The following SLC6A5 variants were observed in gnomAD, a reference collection of about 807,000 sequenced individuals.
SLC6A5 encodes the protein sodium- and chloride-dependent glycine transporter 2.
Under a neutral mutation model 90.5 loss-of-function variants are expected in SLC6A5, and 58 were observed. That is an observed-to-expected ratio of 0.64 (90% CI 0.52 to 0.80). The LOEUF (loss-of-function observed/expected upper bound fraction) is 0.80. SLC6A5 is among the 30% of genes least tolerant of loss of function. The pLI is 0.00. For missense variants in SLC6A5, 1,015 were observed against 1,017.6 expected, an observed-to-expected ratio of 1.00 and a Z score of 0.03; for synonymous variants, 427 against 401.4, an observed-to-expected ratio of 1.06 and a Z score of -0.76.
chr11:20,605,507 C>G (rs1852562002), intron 3 of SLC6A5, among the ~76,000 whole-genome samples: 1 of 152,194 alleles, frequency 6.6e-6, no homozygotes, highest in Admixed American at 6.5e-5. Flanking sequence ...AGACCAGGTA[C>G]CGGCCACACG....
At chr11:20,626,592 AC>A (rs962089747) in intron 7 of SLC6A5, 115 bp from the exon 8 acceptor site, 2 of 1,158,900 alleles carry the variant, frequency 1.7e-6, no homozygotes, top group African/African-American at 1.5e-5. Context: ...GGGGACAACT[AC>A]CCTGATGTGC....
At chr11:20,601,888 C>T (rs983488284) in intron 2 of SLC6A5, among the ~76,000 whole-genome samples, 2 of 152,240 alleles carry the variant, frequency 1.3e-5, no homozygotes, top group Admixed American at 1.3e-4. Context: ...GGGCCACGAC[C>T]TGCCCCTTCC....
At chr11:20,618,683 TC>T (rs1191281688) in intron 7 of SLC6A5, among the ~76,000 whole-genome samples, 1 of 152,094 alleles carries the variant, frequency 6.6e-6, no homozygotes, top group African/African-American at 2.4e-5. Context: ...AGGCCTGTAA[TC>T]CCAGCACTTT....
chr11:20,647,196 C>T (rs116362945), intron 14 of SLC6A5, among the ~76,000 whole-genome samples: 6,563 of 127,038 alleles, frequency 0.052, 476 homozygotes, highest in African/African-American at 0.17. Flanking sequence ...GGCACATTTC[C>T]CATTATATCA....
rs373223627 is a variant in SLC6A5 at position 20,638,559 on chromosome 11, G to A, written c.1969+1G>A. 2 of 1,574,576 alleles carry A rather than the reference G, an allele frequency of 1.3e-6. No homozygotes were observed. The highest frequency in any genetic ancestry group is 1.3e-5 in the African/African-American group (1 of 74,102). On this transcript the variant is annotated splice_donor_variant, in intron 13 of 15. Transcript: ENST00000525748. LOFTEE classifies it high-confidence loss of function. ...CTCGTGGGGATCTCTTATGTGTATG[G>A]TAAGGAAATCACTGTGCCTGTTGCT...
chr11:20,623,156 G>C lies in SLC6A5; in HGVS notation c.1261-3552G>C, dbSNP rs190364367. Among the ~76,000 whole-genome samples the C allele has an allele frequency of 5.5e-3, 831 of 152,268 alleles. 6 individuals carry two copies. Among genetic ancestry groups the C allele is most frequent in the Non-Finnish European group, 9.1e-3 (622 of 68,024 alleles). ...GAGGGAGGAGAGACTGCTGTTCTGTGGTGCAGGAAAAATGTGTCCTGGTCA... is the reference window on the plus strand; with the variant it reads ...GAGGGAGGAGAGACTGCTGTTCTGTCGTGCAGGAAAAATGTGTCCTGGTCA... On this transcript the variant is annotated intron_variant, in intron 7 of 15. Coordinates refer to ENST00000525748, the MANE Select transcript of SLC6A5 (RefSeq NM_004211.5).
chr11:20,626,267 C>G (rs1852991759), intron 7 of SLC6A5, among the ~76,000 whole-genome samples: 1 of 152,166 alleles, frequency 6.6e-6, no homozygotes, highest in African/African-American at 2.4e-5. Context: ...TTCTTCTGAC[C>G]TTATGGGACT....
At chr11:20,627,138 T>C (rs536013766) in intron 8 of SLC6A5, among the ~76,000 whole-genome samples, 3 of 152,202 alleles carry the variant, frequency 2.0e-5, no homozygotes, top group Non-Finnish European at 4.4e-5. Flanking sequence ...TTGCTAATTA[T>C]AGAGTGTCGG....
intron 13 of SLC6A5, among the ~76,000 whole-genome samples, chr11:20,642,615 C>A (rs1273620650): frequency 2.0e-5 from 3 of 152,184 alleles, no homozygotes. Flanking sequence ...CTCAAGGCTC[C>A]AAGAACAGTT....
chr11:20,629,594 G>T (rs1853068804), intron 9 of SLC6A5, among the ~76,000 whole-genome samples: 1 of 152,076 alleles, frequency 6.6e-6, no homozygotes, highest in African/African-American at 2.4e-5. Flanking sequence ...GATCAAATCA[G>T]GGTAATTAGC....
intron 13 of SLC6A5, 134 bp downstream of exon 13, chr11:20,638,692 T>A (rs1023966398): frequency 1.4e-6 from 1 of 709,084 alleles, no homozygotes; most frequent in Non-Finnish European, 2.6e-6. Context: ...CTAAGAGAGC[T>A]GCACTTTTGT....
intron 13 of SLC6A5, among the ~76,000 whole-genome samples, chr11:20,641,429 ACTAT>A (rs1460224805): frequency 6.6e-6 from 1 of 152,094 alleles, no homozygotes; most frequent in Non-Finnish European, 1.5e-5. Flanking sequence ...TGCTTGATGG[ACTAT>A]CTGTTTTCAG....
chr11:20,648,352 C>G (rs1853462736), intron 14 of SLC6A5, among the ~76,000 whole-genome samples: 1 of 152,142 alleles, frequency 6.6e-6, no homozygotes, highest in Admixed American at 6.5e-5. Flanking sequence ...ATCAAAACAT[C>G]TCAATTTCTT....
Position 20,607,506 on chromosome 11 carries a change from C to T in SLC6A5, c.839C>T (p.Ser280Phe), listed in dbSNP as rs774510262. The T allele has an allele frequency of 6.2e-7, 1 of 1,614,086 alleles. No homozygotes were observed. ...QGCGIAMLII[S>F]VLIAIYYNVI... ...TGTGGCATCGCGATGCTGATCATCTCTGTCCTAATAGCCATATACTACAAT... is the reference window on the plus strand; with the variant it reads ...TGTGGCATCGCGATGCTGATCATCTTTGTCCTAATAGCCATATACTACAAT... Residue 280 changes from serine to phenylalanine, a missense_variant, in exon 5 of 16, where the codon TCT becomes TTT. By Grantham distance (155) the Ser-to-Phe change is radical (BLOSUM62 -2). Around this residue, in one of 3 missense-constraint regions of SLC6A5, gnomAD observed 567 missense variants for 507.3 expected, o/e 1.12. Coordinates refer to ENST00000525748, the MANE Select transcript of SLC6A5 (RefSeq NM_004211.5).
rs1489671252 is a variant in SLC6A5 at position 20,636,422 on chromosome 11, G to A, written c.1737+3G>A. The A allele has an allele frequency of 1.9e-6, 3 of 1,566,742 alleles. No individual in the cohort carries two copies. The highest frequency in any genetic ancestry group is 2.6e-6 in the Non-Finnish European group (3 of 1,136,942). The stretch of plus-strand genomic sequence containing the variant: ...TCACTCTTGGACTTGACACTATGGT[G>A]AGCCCCTTTTCCATCAGTCTCTATC... On this transcript the variant is annotated splice_donor_region_variant and intron_variant, in intron 11 of 15. Transcript: ENST00000525748.
At chr11:20,607,403 C>T (rs878988116) in intron 4 of SLC6A5, 76 bp from the exon 5 acceptor site, 9 of 1,540,032 alleles carry the variant, frequency 5.8e-6, no homozygotes, top group South Asian at 1.1e-5. Flanking sequence ...AGACCTAGGT[C>T]CCCACCCTAT....
At chr11:20,634,652 A>T (rs888220986) in intron 10 of SLC6A5, among the ~76,000 whole-genome samples, 1 of 152,182 alleles carries the variant, frequency 6.6e-6, no homozygotes, top group African/African-American at 2.4e-5. Context: ...TACGGTTCAC[A>T]TAGGGAGCCT....
At chr11:20,640,557 C>G (rs968999926) in intron 13 of SLC6A5, among the ~76,000 whole-genome samples, 2 of 152,110 alleles carry the variant, frequency 1.3e-5, no homozygotes, top group African/African-American at 4.8e-5. Flanking sequence ...CCTCCAGAAT[C>G]AGGTTGACTC....
rs963260759 is a variant in SLC6A5 at position 20,599,778 on chromosome 11, G to T, written c.3+103G>T. On this transcript the variant is annotated intron_variant, in intron 1 of 15. Coordinates refer to ENST00000525748, the MANE Select transcript of SLC6A5 (RefSeq NM_004211.5). The stretch of plus-strand genomic sequence containing the variant: ...TTTTGGAGATGTCTGTGCATTGGGT[G>T]GGGGGAAAGGGGGCGACGAGGAGAA... The T allele has an allele frequency of 7.6e-6, 10 of 1,309,652 alleles. No homozygotes were observed. The Admixed American group carries it at 1.3e-4, about 18-fold the overall frequency. The allele number at this position is 1,309,652 out of a possible 1,614,324, so 81.1% of individuals were successfully genotyped here.
Sources: gnomAD v4.1 joint callset for allele counts (sites outside exome capture counted in the v4.1 genomes callset) on GRCh38, gnomAD v4.1.1 for gene constraint, gnomAD v4.1.1 regional missense constraint, MANE v1.5 for transcripts, NCBI Gene and HGNC (gene_info 2026-07-23, HGNC 2026-07-21) for gene names.